Variants in FBXL13 observed in about 807,000 individuals in gnomAD.
FBXL13 encodes the protein F-box and leucine-rich repeat protein 13.
A neutral mutation model predicts 83.6 loss-of-function variants in FBXL13; 67 were observed. The ratio of observed to expected loss-of-function variants is 0.80; its 90% CI spans 0.66 to 0.98. The LOEUF (loss-of-function observed/expected upper bound fraction) is 0.98. FBXL13 is among the 50% of genes least tolerant of loss of function. The pLI is 0.00. For synonymous variants in FBXL13, 272 were observed against 299.5 expected, an observed-to-expected ratio of 0.91 and a Z score of 0.95; for missense variants, 822 against 866.5, an observed-to-expected ratio of 0.95 and a Z score of 0.64.
chr7:102,910,611 C>T (rs1038520496), intron 11 of FBXL13, among the ~76,000 whole-genome samples: 2 of 152,024 alleles, frequency 1.3e-5, no homozygotes, highest in Non-Finnish European at 2.9e-5. Context: ...TCCTCTTACC[C>T]CTTACCACCA....
At chr7:103,028,541 T>G in intron 4 of FBXL13, 59 bp downstream of exon 5, 1 of 1,295,442 alleles carries the variant, frequency 7.7e-7, no homozygotes, top group Non-Finnish European at 1.0e-6. Context: ...TAACTGTTAG[T>G]TTTTTTATTA....
At chr7:103,074,591 C>G, upstream of FBXL13, 2 of 1,248,954 alleles carry the variant, frequency 1.6e-6, no homozygotes, top group African/African-American at 3.1e-5. Context: ...CTCCACTCCT[C>G]CCCAATCCCG....
At chr7:102,932,789 T>C (rs1408407850) in intron 8 of FBXL13, among the ~76,000 whole-genome samples, 2 of 151,980 alleles carry the variant, frequency 1.3e-5, no homozygotes, top group Non-Finnish European at 2.9e-5. Context: ...TTGTATTTTT[T>C]GTAGAGACGG....
At chr7:103,067,323 T>A (rs776879451) in intron 1 of FBXL13, among the ~76,000 whole-genome samples, 1 of 152,132 alleles carries the variant, frequency 6.6e-6, no homozygotes, top group African/African-American at 2.4e-5. Flanking sequence ...AAGGAGATAA[T>A]CGTATTTGAA....
intron 11 of FBXL13, among the ~76,000 whole-genome samples, chr7:102,903,633 G>T (rs139228875): frequency 6.6e-6 from 1 of 151,840 alleles, no homozygotes; most frequent in East Asian, 1.9e-4. Context: ...AAGGGATATT[G>T]AATTTTTTTT....
intron 16 of FBXL13, among the ~76,000 whole-genome samples, chr7:102,866,849 C>T (rs1417333930): frequency 1.3e-5 from 2 of 152,204 alleles, no homozygotes; most frequent in East Asian, 1.9e-4. Flanking sequence ...CTCCTATGAA[C>T]ATCTTGCTAG....
chr7:103,074,528 T>G (rs1799446976), exon 1 of FBXL13: 2 of 1,205,270 alleles, frequency 1.7e-6, no homozygotes, highest in Non-Finnish European at 1.1e-6. Flanking sequence ...TCAGCCCTGA[T>G]CGCCTACAAG....
chr7:103,060,040 A>ATATG (rs1214864293), intron 1 of FBXL13, among the ~76,000 whole-genome samples: 11 of 96,968 alleles, frequency 1.1e-4, no homozygotes, highest in African/African-American at 4.6e-4. Context: ...ATATATATAT[A>ATATG]TATATATATA....
chr7:102,835,507 C>T (rs1389107411), intron 17 of FBXL13, among the ~76,000 whole-genome samples: 1 of 151,536 alleles, frequency 6.6e-6, no homozygotes, highest in Non-Finnish European at 1.5e-5. Flanking sequence ...TCAGTACATA[C>T]TAGTTGGTTC....
intron 6 of FBXL13, among the ~76,000 whole-genome samples, chr7:102,971,349 G>C (rs2129482243): frequency 6.6e-6 from 1 of 152,286 alleles, no homozygotes; most frequent in African/African-American, 2.4e-5. Flanking sequence ...TGTAATCCCA[G>C]CACTTTGGGA....
At position 102,939,579 on chromosome 7, in the gene FBXL13, G is replaced by A. The variant is rs760377500; in HGVS notation, c.725-7646C>T. The A allele has an allele frequency of 2.5e-5, 41 of 1,612,530 alleles. No individual in the cohort carries two copies. Among genetic ancestry groups the A allele is most frequent in the African/African-American group, 2.1e-4 (16 of 74,832 alleles). ...CAGCAGCAATGGCATTGAATTCATC[G>A]ATCCTGGTAAGTTCCCCTGTATAGC... On this transcript the variant is annotated intron_variant, in intron 8 of 19. Coordinates refer to ENST00000313221, the Ensembl canonical transcript of FBXL13.
rs1809523840 is a variant in FBXL13 at position 102,878,248 on chromosome 7, A to G, written c.1508+83T>C. On this transcript the variant is annotated intron_variant, in intron 15 of 19. Coordinates refer to ENST00000313221, the Ensembl canonical transcript of FBXL13. Reference sequence around the variant, plus strand: ...CTGATGTTCCCCCAAATGTCATGAAATCTTTGCTTTTAGGTGTCTCATGTC... The same window carrying G: ...CTGATGTTCCCCCAAATGTCATGAAGTCTTTGCTTTTAGGTGTCTCATGTC... The G allele has an allele frequency of 3.3e-6, 4 of 1,225,870 alleles. No homozygotes were observed. The African/African-American group carries it at 4.6e-5, about 14-fold the overall frequency. The allele number at this position is 1,225,870 out of a possible 1,614,324, so 75.9% of individuals were successfully genotyped here. A position where few individuals can be genotyped will look rare whatever the true frequency, so the allele number is the denominator to read the frequency against.
chr7:102,983,425 T>C (rs1474190164), intron 6 of FBXL13, among the ~76,000 whole-genome samples: 1 of 148,792 alleles, frequency 6.7e-6, no homozygotes, highest in Non-Finnish European at 1.5e-5. Flanking sequence ...TTTTCCCCTT[T>C]TTTTTTTTTT....
At chr7:102,846,532 T>C (rs1803986230) in intron 17 of FBXL13, among the ~76,000 whole-genome samples, 1 of 122,156 alleles carries the variant, frequency 8.2e-6, no homozygotes, top group Non-Finnish European at 1.6e-5. Flanking sequence ...GGTGGGAGAA[T>C]TGTCTGAGCC....
chr7:102,947,973 C>G (rs950712273), intron 8 of FBXL13, among the ~76,000 whole-genome samples: 3 of 152,110 alleles, frequency 2.0e-5, no homozygotes, highest in African/African-American at 7.2e-5. Context: ...CCTCTGGAGC[C>G]TATGCCCTGG....
chr7:103,023,666 T>C (rs1175790727), intron 6 of FBXL13, among the ~76,000 whole-genome samples: 1 of 152,166 alleles, frequency 6.6e-6, no homozygotes, highest in Non-Finnish European at 1.5e-5. Context: ...TAAAGACACA[T>C]GCATGCATAT....
chr7:102,837,307 A>T (rs543986416), intron 17 of FBXL13, among the ~76,000 whole-genome samples: 1 of 152,338 alleles, frequency 6.6e-6, no homozygotes, highest in East Asian at 1.9e-4. Context: ...CAGGCTGAGC[A>T]AGGCTTAGCA....
intron 8 of FBXL13, chr7:102,942,221 A>C (rs935322953): frequency 1.6e-6 from 2 of 1,263,462 alleles, no homozygotes; most frequent in Non-Finnish European, 2.2e-6. Context: ...TTGAAACAAA[A>C]AAGTATCTTG....
intron 2 of FBXL13, among the ~76,000 whole-genome samples, chr7:103,033,274 G>C (rs1011679885): frequency 2.6e-5 from 4 of 152,148 alleles, no homozygotes; most frequent in Non-Finnish European, 5.9e-5. Context: ...CTGAATCAGG[G>C]GTCTGAGTCT....
Sources: allele counts gnomAD v4.1 joint callset (sites outside exome capture counted in the v4.1 genomes callset), GRCh38; gene constraint gnomAD v4.1.1; transcripts MANE v1.5; gene names NCBI Gene and HGNC (gene_info 2026-07-23, HGNC 2026-07-21).